The following ABCA10 variants were observed in gnomAD, a reference collection of about 807,000 sequenced individuals.
ABCA10 encodes the protein ATP binding cassette subfamily A member 10.
ABCA10 carries 169 observed loss-of-function variants against 187.5 expected under a neutral mutation model. The ratio of observed to expected loss-of-function variants is 0.90; its 90% CI spans 0.80 to 1.02. ABCA10 has a LOEUF of 1.02. ABCA10 is among the 50% of genes least tolerant of loss of function. ABCA10 has a pLI of 0.00. For missense variants in ABCA10, 1,727 were observed against 1,812.4 expected (o/e 0.95, Z 0.86); for synonymous variants, 574 against 601.8 (o/e 0.95, Z 0.68).
Position 69,154,234 on chromosome 17 carries a change from C to A in ABCA10, c.3786+1G>T. On this transcript the variant is annotated splice_donor_variant, in intron 31 of 38. Coordinates refer to ENST00000690296, the MANE Select transcript of ABCA10 (RefSeq NM_001377321.1). LOFTEE classifies it high-confidence loss of function. ...TAAAATTTCCTTCACATGTCACATA[C>A]CACTCCTGCAGTTGGCTTTGTGCAC... 1 of 1,604,320 alleles carries A rather than the reference C, an allele frequency of 6.2e-7. No homozygotes were observed. Among genetic ancestry groups the A allele is most frequent in the South Asian group, 1.1e-5 (1 of 88,640 alleles).
rs144740152 is a variant in ABCA10 at position 69,182,198 on chromosome 17, A to T, written c.2724T>A (p.Phe908Leu). ...CCATTTGAATAAGCTCCGTGAAGTT[A>T]AAAATTCCCATAAGGGCATTGCTAA... is the stretch of plus-strand genomic sequence containing the variant. ...GIVSNALMGI[F>L]NFTELIQMES... The change falls in exon 22 of 39, where the codon TTT becomes TTA. Residue 908 changes from phenylalanine (F) to leucine (L), a missense_variant. By Grantham distance (22) the Phe-to-Leu change is conservative. Coordinates refer to ENST00000690296, the MANE Select transcript of ABCA10 (RefSeq NM_001377321.1). 1.6e-5 allele frequency: 26 copies of T among 1,597,912 alleles called. No individual in the cohort carries two copies. The highest frequency in any genetic ancestry group is 2.0e-5 in the Non-Finnish European group (24 of 1,171,840).
intron 27 of ABCA10, among the ~76,000 whole-genome samples, chr17:69,162,449 T>C (rs2074224281): frequency 6.6e-6 from 1 of 152,134 alleles, no homozygotes; most frequent in Admixed American, 6.6e-5. Flanking sequence ...TGAGAGTGTT[T>C]TGAGAAAGTT....
intron 1 of ABCA10, among the ~76,000 whole-genome samples, chr17:69,238,480 G>A (rs1162673599): frequency 3.3e-5 from 5 of 152,120 alleles, no homozygotes; most frequent in Admixed American, 2.0e-4. Flanking sequence ...ATGACAGATA[G>A]GTCTACAGAC....
rs750363023 is a variant in ABCA10 at position 69,148,608 on chromosome 17, T to A, written c.*219A>T. 1.2e-5 allele frequency: 6 copies of A among 481,270 alleles called. No homozygotes were observed. Among genetic ancestry groups the A allele is most frequent in the Non-Finnish European group, 2.2e-5 (6 of 273,188 alleles). 29.8% of individuals were successfully genotyped at this position (481,270 alleles called of 1,614,324 possible). A position where few individuals can be genotyped will look rare whatever the true frequency, so the allele number is the denominator to read the frequency against. On this transcript the variant is annotated 3_prime_UTR_variant, in exon 39 of 39. Coordinates refer to ENST00000690296, the MANE Select transcript of ABCA10 (RefSeq NM_001377321.1). ...GCACAAAATAGACCCATGTTGGGGATGAATAACATGTCTGATTTTGTTAAT... is the reference window on the plus strand; with the variant it reads ...GCACAAAATAGACCCATGTTGGGGAAGAATAACATGTCTGATTTTGTTAAT...
intron 23 of ABCA10, 102 bp from the exon 24 acceptor site, chr17:69,174,879 T>G: frequency 9.5e-7 from 1 of 1,052,286 alleles, no homozygotes; most frequent in Non-Finnish European, 1.3e-6. Context: ...TAGTATGTTA[T>G]AGTGTCTGTG....
rs751341544 is a variant in ABCA10 at position 69,219,631 on chromosome 17, T to C, written c.444A>G (p.Ile148Met). ...FTCLVSFSSF[I>M]YFASLNVARE... The stretch of plus-strand genomic sequence containing the variant: ...TTGCAACATTTAATGATGCAAAGTA[T>C]ATAAAAGAAGAGAAAGAAACTAAGC... The change falls in exon 6 of 39, where the codon ATA becomes ATG. Residue 148 changes from isoleucine (I) to methionine (M), a missense_variant. Transcript: ENST00000690296. 3 of 1,612,082 alleles carry C rather than the reference T, an allele frequency of 1.9e-6. No homozygotes were observed. Among genetic ancestry groups the C allele is most frequent in the African/African-American group, 1.3e-5 (1 of 74,948 alleles).
rs750640098 is a variant in ABCA10 at position 69,193,135 on chromosome 17, GA to G, written c.1754del (p.Phe585SerfsTer20). The G allele has an allele frequency of 7.5e-6, 12 of 1,610,692 alleles. No individual in the cohort carries two copies. The African/African-American group carries it at 1.6e-4, about 22-fold the overall frequency. ...CAGCCAAGATGTCAGCCTCATCCAT[GA>G]ATTGGGTACTGAAGAGGATAAGTCG... ...VDRLILFSTQ[F>X]MDEADILADR... is the part of the protein sequence containing the mutation. On this transcript the variant is annotated frameshift_variant, in exon 15 of 39. Coordinates refer to ENST00000690296, the MANE Select transcript of ABCA10 (RefSeq NM_001377321.1). LOFTEE classifies it high-confidence loss of function.
chr17:69,201,093 G>A (rs1035263455), intron 10 of ABCA10, among the ~76,000 whole-genome samples: 1 of 152,194 alleles, frequency 6.6e-6, no homozygotes, highest in African/African-American at 2.4e-5. Flanking sequence ...ATTAAATTGT[G>A]AAGAGACCTT....
chr17:69,205,330 C>T (rs897779318), intron 9 of ABCA10, among the ~76,000 whole-genome samples: 1 of 152,184 alleles, frequency 6.6e-6, no homozygotes, highest in Admixed American at 6.5e-5. Flanking sequence ...GAAAAACACA[C>T]TTTGTTCATC....
intron 29 of ABCA10, 113 bp downstream of exon 29, chr17:69,155,692 T>C: frequency 1.5e-6 from 2 of 1,316,310 alleles, no homozygotes; most frequent in Non-Finnish European, 1.0e-6. Flanking sequence ...AAGCTATAAA[T>C]AGAAATATTA....
intron 15 of ABCA10, 60 bp downstream of exon 15, chr17:69,193,050 A>T: frequency 6.5e-7 from 1 of 1,529,050 alleles, no homozygotes; most frequent in African/African-American, 1.4e-5. Flanking sequence ...CAGGCTATGA[A>T]AAATAACTCT....
chr17:69,216,166 G>A (rs1013218899), intron 7 of ABCA10, 51 bp downstream of exon 7: 1 of 1,565,066 alleles, frequency 6.4e-7, no homozygotes, highest in Non-Finnish European at 8.7e-7. Context: ...ATTTGCTCAT[G>A]TATCTGTAAT....
intron 1 of ABCA10, among the ~76,000 whole-genome samples, chr17:69,236,436 A>C (rs1466528652): frequency 1.3e-5 from 2 of 152,246 alleles, no homozygotes; most frequent in African/African-American, 4.8e-5. Context: ...TCAAATATGC[A>C]CAAAGACCTT....
intron 7 of ABCA10, 84 bp downstream of exon 7, chr17:69,216,133 C>T (rs969711730): frequency 8.9e-5 from 138 of 1,543,684 alleles, no homozygotes; most frequent in Non-Finnish European, 1.2e-4. Context: ...ATAGTGATTA[C>T]ACTAATATCC....
rs1405113040 is a variant in ABCA10 at position 69,201,684 on chromosome 17, A to G, written c.1007-16T>C. ...CCATCTTTATCTAATTAATTAAGAT[A>G]CAATTACATATTGCATCAATTATAC... is the stretch of plus-strand genomic sequence containing the variant. On this transcript the variant is annotated splice_polypyrimidine_tract_variant and intron_variant, in intron 9 of 38. Transcript: ENST00000690296. 6.4e-7 allele frequency: 1 copy of G among 1,566,432 alleles called. No individual in the cohort carries two copies. Among genetic ancestry groups the G allele is most frequent in the South Asian group, 1.2e-5 (1 of 84,014 alleles).
At chr17:69,175,292 T>C (rs2074326002) in intron 23 of ABCA10, 114 bp downstream of exon 23, 2 of 811,486 alleles carry the variant, frequency 2.5e-6, no homozygotes, top group Non-Finnish European at 3.8e-6. Context: ...GATTGTAATG[T>C]ATGTGTAAAA....
intron 9 of ABCA10, among the ~76,000 whole-genome samples, chr17:69,213,489 T>C (rs1290587156): frequency 3.9e-5 from 6 of 152,188 alleles, no homozygotes; most frequent in East Asian, 1.9e-4. Flanking sequence ...ATCATACAGA[T>C]AGCCAGGAAA....
Position 69,196,661 on chromosome 17 carries a change from C to T in ABCA10, c.1234+403G>A, listed in dbSNP as rs931547301. 6.6e-5 allele frequency among the ~76,000 whole-genome samples: 10 copies of T among 152,282 alleles called. No individual in the cohort carries two copies. In the East Asian group the frequency reaches 1.4e-3, roughly 21 times the overall value. ...CGGCACTTTGGGAGGCCAAGGCAGG[C>T]GGCTGGGAGGTGGAGGTTGTAGCGA... is the stretch of plus-strand genomic sequence containing the variant. On this transcript the variant is annotated intron_variant, in intron 11 of 38. Transcript: ENST00000690296.
intron 9 of ABCA10, among the ~76,000 whole-genome samples, chr17:69,211,633 A>G (rs1177557758): frequency 1.3e-5 from 2 of 151,290 alleles, no homozygotes; most frequent in Admixed American, 1.3e-4. Context: ...GCGGGGGGGA[A>G]TATTTTAATT....
Sources: gnomAD v4.1 joint callset for allele counts (sites outside exome capture counted in the v4.1 genomes callset) on GRCh38, gnomAD v4.1.1 for gene constraint, MANE v1.5 for transcripts, NCBI Gene and HGNC (gene_info 2026-07-23, HGNC 2026-07-21) for gene names.